The following HIF3A variants were observed in gnomAD, a reference collection of about 807,000 sequenced individuals.
HIF3A encodes hypoxia-inducible factor 3-alpha.
HIF3A carries 41 observed loss-of-function variants against 67.2 expected under a neutral mutation model. The ratio of observed to expected loss-of-function variants is 0.61; its 90% CI spans 0.48 to 0.79. HIF3A has a LOEUF of 0.79. Among genes scored for constraint, HIF3A ranks in the 30% least tolerant of loss-of-function variants. The pLI, the probability that HIF3A is intolerant of heterozygous loss-of-function variation, is 0.00. For synonymous variants in HIF3A, 356 were observed against 374.8 expected, an observed-to-expected ratio of 0.95 and a Z score of 0.58; for missense variants, 855 against 898.0, an observed-to-expected ratio of 0.95 and a Z score of 0.61.
chr19:46,310,159 A>G (rs546866066), intron 6 of HIF3A, among the ~76,000 whole-genome samples: 2 of 152,336 alleles, frequency 1.3e-5, no homozygotes, highest in South Asian at 4.1e-4. Flanking sequence ...CGGGAGGCGG[A>G]GGTTGCAGTG....
In HIF3A at chr19:46,297,136, T is replaced by G. The variant is rs910232262; in HGVS notation, c.26+34T>G. On this transcript the variant is annotated intron_variant, in intron 1 of 14. Coordinates refer to ENST00000377670, the MANE Select transcript of HIF3A (RefSeq NM_152795.4). This position sits in a 1 kb window ranked among gnomAD's most constrained non-coding sequence, Gnocchi z 4.5. ...GTTCGGGGGCAGGAGTTCTGGGAAT[T>G]GGGGGGCTCTCCTCCTGGAGACCCC... 2.8e-6 allele frequency: 2 copies of G among 705,340 alleles called. No homozygotes were observed. The highest frequency in any genetic ancestry group is 4.8e-5 in the South Asian group (1 of 20,632). 43.7% of individuals were successfully genotyped at this position (705,340 alleles called of 1,614,324 possible). A position where few individuals can be genotyped will look rare whatever the true frequency, so the allele number is the denominator to read the frequency against.
intron 13 of HIF3A, among the ~76,000 whole-genome samples, chr19:46,332,179 GATTAAAGGAA>G (rs1360621555): frequency 6.6e-6 from 1 of 152,090 alleles, no homozygotes; most frequent in Non-Finnish European, 1.5e-5. Context: ...CTGCCATGAG[GATTAAAGGAA>G]ATTAGGCCCT....
intron 13 of HIF3A, among the ~76,000 whole-genome samples, chr19:46,333,332 C>T (rs1435884819): frequency 6.6e-6 from 1 of 151,498 alleles, no homozygotes; most frequent in African/African-American, 2.4e-5. Context: ...AAGCCTGGTG[C>T]AGTACCTTGG....
At chr19:46,303,739 G>C (rs774963089) in intron 1 of HIF3A, 159 bp from the exon 2 acceptor site, 4 of 1,533,950 alleles carry the variant, frequency 2.6e-6, no homozygotes, top group Non-Finnish European at 3.5e-6. Context: ...CAGGCCCAGG[G>C]AGCGCCGCGA....
chr19:46,311,750 ACTCAGGAGG>A (rs1042298493), intron 6 of HIF3A, among the ~76,000 whole-genome samples: 27 of 152,082 alleles, frequency 1.8e-4, no homozygotes, highest in African/African-American at 6.5e-4. Context: ...AGTCCCAGCT[ACTCAGGAGG>A]CTGAGTCAGG....
chr19:46,329,120 G>A, intron 11 of HIF3A, 87 bp from the exon 12 acceptor site: 1 of 1,296,824 alleles, frequency 7.7e-7, no homozygotes, highest in Non-Finnish European at 1.1e-6. Flanking sequence ...CACAGGCACA[G>A]AACTCAGAAG....
At chr19:46,317,841 T>C (rs1377192768) in intron 8 of HIF3A, among the ~76,000 whole-genome samples, 3 of 152,076 alleles carry the variant, frequency 2.0e-5, no homozygotes, top group Non-Finnish European at 2.9e-5. Flanking sequence ...CTATCTTTTT[T>C]TTTTCTTCTT....
chr19:46,317,225 A>T (rs1380361545), intron 8 of HIF3A, among the ~76,000 whole-genome samples: 1 of 151,630 alleles, frequency 6.6e-6, no homozygotes, highest in Non-Finnish European at 1.5e-5. Flanking sequence ...CCAGCCTATA[A>T]TTTTTTAAAA....
intron 11 of HIF3A, 62 bp downstream of exon 11, chr19:46,325,701 G>A (rs1177957137): frequency 8.6e-7 from 1 of 1,156,886 alleles, no homozygotes; most frequent in Non-Finnish European, 1.3e-6. Flanking sequence ...CACATATGTG[G>A]CTTTAGAGAA....
intron 1 of HIF3A, chr19:46,298,206 CCG>C: frequency 3.3e-6 from 1 of 299,422 alleles, no homozygotes; most frequent in South Asian, 2.4e-5. Context: ...ATGTTTCTAA[CCG>C]CCCCCATCCT....
rs955256023 is a variant in HIF3A, at chr19:46,329,333, C to T, written c.1567C>T (p.Arg523Cys). The change falls in exon 12 of 15, where the codon CGT becomes TGT. Residue 523 changes from arginine to cysteine, a missense_variant. By Grantham distance (180) the Arg-to-Cys change is radical (BLOSUM62 -3). Around this residue, in one of 3 missense-constraint regions of HIF3A, gnomAD observed 199 missense variants for 193.8 expected, o/e 1.03. Transcript: ENST00000377670. ...ACCTCTGGGGGCTGTCCCCCGGCCC[C>T]GTGCTCGGAGCTTCCATGGCCTGTC... Reference protein sequence around the residue: ...HRPLGAVPRPRARSFHGLSPP... With the variant: ...HRPLGAVPRPCARSFHGLSPP... The T allele has an allele frequency of 1.5e-5, 25 of 1,613,278 alleles. No individual in the cohort carries two copies. In the Admixed American group the frequency reaches 2.0e-4, roughly 13 times the overall value.
intron 6 of HIF3A, chr19:46,310,494 C>T: frequency 2.6e-6 from 1 of 388,380 alleles, no homozygotes; most frequent in Non-Finnish European, 5.3e-6. Flanking sequence ...TCCTTCTGTC[C>T]TTCTCTTCCT....
At chr19:46,332,054 T>C (rs1205419299) in intron 13 of HIF3A, among the ~76,000 whole-genome samples, 4 of 151,916 alleles carry the variant, frequency 2.6e-5, no homozygotes, top group Non-Finnish European at 5.9e-5. Context: ...CTGACCTGGG[T>C]TCAAGTCCCA....
At chr19:46,325,492 C>G in intron 10 of HIF3A, 43 bp from the exon 11 acceptor site, 1 of 1,412,164 alleles carries the variant, frequency 7.1e-7, no homozygotes, top group Non-Finnish European at 1.0e-6. Context: ...TGATACCTCC[C>G]AGGCTCAAGA....
intron 8 of HIF3A, chr19:46,312,878 GTTAATTTTTTTTTTT>G: frequency 1.2e-6 from 1 of 838,270 alleles, no homozygotes; most frequent in Non-Finnish European, 1.4e-6. Flanking sequence ...TGTGTAGACT[GTTAATTTTTTTTTTT>G]TTTTTTTTTT....
intron 14 of HIF3A, among the ~76,000 whole-genome samples, chr19:46,335,859 C>A (rs1212200958): frequency 6.6e-6 from 1 of 151,784 alleles, no homozygotes; most frequent in Non-Finnish European, 1.5e-5. Context: ...GGAAACATGG[C>A]AAAACCCCGT....
At chr19:46,300,279 G>T (rs890255742) in intron 1 of HIF3A, among the ~76,000 whole-genome samples, 2 of 152,192 alleles carry the variant, frequency 1.3e-5, no homozygotes, top group Non-Finnish European at 2.9e-5. Flanking sequence ...ACTATGGGGC[G>T]TGTAGAGTAA....
chr19:46,321,455 G>T lies in HIF3A; in HGVS notation c.1145-321G>T, dbSNP rs145380129. Among the ~76,000 whole-genome samples, 140 of 152,252 alleles carry T rather than the reference G, an allele frequency of 9.2e-4. 1 individual carries two copies. In the East Asian group the frequency reaches 0.024, roughly 26 times the overall value. On this transcript the variant is annotated intron_variant, in intron 9 of 14. Transcript: ENST00000377670. ...AAAACTTAGCTGGGTGTGATGGCGG[G>T]CACCTGTAATCCCAGCTACTCTGGA... is the stretch of plus-strand genomic sequence containing the variant.
At chr19:46,335,867 C>T (rs1018269676) in intron 14 of HIF3A, among the ~76,000 whole-genome samples, 3 of 151,792 alleles carry the variant, frequency 2.0e-5, no homozygotes, top group African/African-American at 4.8e-5. Flanking sequence ...GGCAAAACCC[C>T]GTCTCTACAA....
Sources: gnomAD v4.1 joint callset for allele counts (sites outside exome capture counted in the v4.1 genomes callset) on GRCh38, gnomAD v4.1.1 for gene constraint, gnomAD v4.1.1 regional missense constraint, Gnocchi (gnomAD v3.1) non-coding constraint, MANE v1.5 for transcripts, NCBI Gene and HGNC (gene_info 2026-07-23, HGNC 2026-07-21) for gene names.